SYT1: variants seen among roughly 807,000 people sequenced by gnomAD.
The protein encoded by SYT1 is synaptotagmin-1.
Under a neutral mutation model 44.8 loss-of-function variants are expected in SYT1, and 8 were observed. The ratio of observed to expected loss-of-function variants is 0.18; its 90% CI spans 0.10 to 0.32. The LOEUF (loss-of-function observed/expected upper bound fraction) is 0.32. Ranked by LOEUF, SYT1 falls within the 10% of genes least tolerant of loss-of-function variation. The pLI, the probability that SYT1 is intolerant of heterozygous loss-of-function variation, is 1.00. For missense variants in SYT1, 286 were observed against 509.3 expected (o/e 0.56, Z 4.22); for synonymous variants, 154 against 188.8 (o/e 0.82, Z 1.51).
intron 3 of SYT1, among the ~76,000 whole-genome samples, chr12:79,081,230 C>A (rs911053298): frequency 1.3e-4 from 20 of 152,160 alleles, no homozygotes; most frequent in Admixed American, 3.9e-4. Context: ...TACTACTCAG[C>A]CCCCTTGTGT....
intron 1 of SYT1, among the ~76,000 whole-genome samples, chr12:78,969,831 A>T (rs1205258202): frequency 6.6e-6 from 1 of 152,114 alleles, no homozygotes; most frequent in Non-Finnish European, 1.5e-5. Context: ...TTTTCACTGG[A>T]TATATTATAG....
At chr12:78,876,765 T>A (rs1315873045) in intron 1 of SYT1, among the ~76,000 whole-genome samples, 1 of 71,924 alleles carries the variant, frequency 1.4e-5, no homozygotes, top group Non-Finnish European at 2.6e-5. Flanking sequence ...ATTATATATA[T>A]TATATATTTA....
At chr12:79,265,943 G>A (rs894137684) in intron 4 of SYT1, among the ~76,000 whole-genome samples, 16 of 152,212 alleles carry the variant, frequency 1.1e-4, no homozygotes, top group African/African-American at 3.4e-4. Flanking sequence ...GAGTCTTTCT[G>A]TCATTTCCAT....
At chr12:79,275,519 C>A (rs1158435980) in intron 4 of SYT1, among the ~76,000 whole-genome samples, 1 of 152,044 alleles carries the variant, frequency 6.6e-6, no homozygotes, top group Non-Finnish European at 1.5e-5. Context: ...GACCGAGGTG[C>A]CTATCTGATC....
intron 4 of SYT1, among the ~76,000 whole-genome samples, chr12:79,255,174 T>TA (rs1454628703): frequency 2.6e-5 from 4 of 152,128 alleles, no homozygotes; most frequent in Admixed American, 1.3e-4. Context: ...ACTTCATAGT[T>TA]ATCTTATTTT....
intron 2 of SYT1, among the ~76,000 whole-genome samples, chr12:79,006,670 A>C (rs977796300): frequency 6.6e-6 from 1 of 152,028 alleles, no homozygotes; most frequent in Non-Finnish European, 1.5e-5. Context: ...GAAATATACT[A>C]TGTAGGATCG....
intron 2 of SYT1, among the ~76,000 whole-genome samples, chr12:79,015,361 C>T (rs1871737285): frequency 6.6e-6 from 1 of 151,918 alleles, no homozygotes; most frequent in Non-Finnish European, 1.5e-5. Flanking sequence ...TAATATTGTC[C>T]TTTTGTTTTA....
At chr12:78,924,373 A>G (rs1299668701) in intron 1 of SYT1, among the ~76,000 whole-genome samples, 1 of 151,866 alleles carries the variant, frequency 6.6e-6, no homozygotes, top group Non-Finnish European at 1.5e-5. Context: ...ATAACTAAAT[A>G]TCCTGTTGCT....
intron 4 of SYT1, among the ~76,000 whole-genome samples, chr12:79,224,207 CT>C (rs1875347307): frequency 6.6e-6 from 1 of 152,132 alleles, no homozygotes; most frequent in African/African-American, 2.4e-5. Context: ...ACAACTTAGT[CT>C]TTTTTCTTCA....
At chr12:78,907,411 T>G (rs533948678) in intron 1 of SYT1, among the ~76,000 whole-genome samples, 1 of 152,058 alleles carries the variant, frequency 6.6e-6, no homozygotes, top group South Asian at 2.1e-4. Context: ...ACATAATACA[T>G]AAATAGATTT....
intron 8 of SYT1, among the ~76,000 whole-genome samples, chr12:79,347,961 AC>A (rs1357526720): frequency 6.6e-6 from 1 of 152,148 alleles, no homozygotes; most frequent in East Asian, 1.9e-4. Context: ...AACAATTCAT[AC>A]CAGTATCTAG....
chr12:78,975,912 G>C (rs11613873), intron 1 of SYT1, among the ~76,000 whole-genome samples: 6,203 of 152,046 alleles, frequency 0.041, 151 homozygotes, highest in Non-Finnish European at 0.065. Flanking sequence ...ATCACAAATG[G>C]GTAAAACCAT....
chr12:79,245,126 A>T (rs899436771), intron 4 of SYT1, among the ~76,000 whole-genome samples: 2 of 151,820 alleles, frequency 1.3e-5, no homozygotes, highest in Non-Finnish European at 2.9e-5. Flanking sequence ...TTGCTTGAAA[A>T]CTCAAACATA....
chr12:79,053,769 T>G (rs1874720634), intron 3 of SYT1, among the ~76,000 whole-genome samples: 1 of 151,792 alleles, frequency 6.6e-6, no homozygotes. Context: ...TTTGTGAACA[T>G]TTGCCTTAAT....
At chr12:79,117,866 G>T (rs1447365282) in intron 3 of SYT1, among the ~76,000 whole-genome samples, 3 of 150,996 alleles carry the variant, frequency 2.0e-5, no homozygotes, top group Non-Finnish European at 4.4e-5. Flanking sequence ...AATTCTTAGG[G>T]TAACACCTTA....
chr12:79,219,766 A>G (rs1386106650), intron 4 of SYT1, among the ~76,000 whole-genome samples: 2 of 151,940 alleles, frequency 1.3e-5, no homozygotes, highest in East Asian at 3.8e-4. Context: ...TAAAACTATA[A>G]CTCTGTACTA....
intron 8 of SYT1, among the ~76,000 whole-genome samples, chr12:79,315,255 G>C (rs889241057): frequency 6.6e-6 from 1 of 151,796 alleles, no homozygotes; most frequent in African/African-American, 2.4e-5. Flanking sequence ...TTGTCACCCA[G>C]ACCAGTGTAC....
chr12:79,330,968 C>T (rs941800552), intron 8 of SYT1, among the ~76,000 whole-genome samples: 7 of 152,188 alleles, frequency 4.6e-5, no homozygotes, highest in African/African-American at 1.7e-4. Context: ...ACAGACTTAA[C>T]TTCCAGTCCA....
intron 2 of SYT1, among the ~76,000 whole-genome samples, chr12:78,980,388 A>G (rs1433451561): frequency 2.0e-5 from 3 of 152,190 alleles, no homozygotes; most frequent in Non-Finnish European, 4.4e-5. Flanking sequence ...TTAGGTTTGT[A>G]GGTTAACTTA....
Sources: allele counts gnomAD v4.1 joint callset (sites outside exome capture counted in the v4.1 genomes callset), GRCh38; gene constraint gnomAD v4.1.1; transcripts MANE v1.5; gene names NCBI Gene and HGNC (gene_info 2026-07-23, HGNC 2026-07-21).